The following DOCK4 variants were observed in gnomAD, a reference collection of about 807,000 sequenced individuals.
DOCK4 encodes dedicator of cytokinesis protein 4.
In DOCK4, 97 loss-of-function variants were observed where a neutral mutation model predicts 268.1. The observed-to-expected ratio is 0.36, with a 90% CI of 0.31 to 0.43. The LOEUF (loss-of-function observed/expected upper bound fraction) is 0.43. Among genes scored for constraint, DOCK4 ranks in the 20% least tolerant of loss-of-function variants. DOCK4 has a pLI of 1.00. For missense variants in DOCK4, 2,145 were observed against 2,455.7 expected, an observed-to-expected ratio of 0.87 and a Z score of 2.67; for synonymous variants, 954 against 887.2, an observed-to-expected ratio of 1.08 and a Z score of -1.34.
At chr7:112,123,595 C>A (rs1029587095) in intron 1 of DOCK4, among the ~76,000 whole-genome samples, 4 of 152,122 alleles carry the variant, frequency 2.6e-5, no homozygotes, top group African/African-American at 7.2e-5. Flanking sequence ...AACCTCTTAG[C>A]CCCTGCATAA....
At chr7:111,908,931 T>C (rs1319837562) in intron 13 of DOCK4, among the ~76,000 whole-genome samples, 3 of 152,226 alleles carry the variant, frequency 2.0e-5, no homozygotes, top group East Asian at 3.9e-4. Context: ...CAATCTATCA[T>C]TGATGGGCAT....
intron 1 of DOCK4, among the ~76,000 whole-genome samples, chr7:112,059,139 T>C (rs1806133524): frequency 7.2e-6 from 1 of 138,422 alleles, no homozygotes; most frequent in Non-Finnish European, 1.5e-5. Context: ...ATTTCCTTTT[T>C]TTTTTTTTTT....
intron 1 of DOCK4, among the ~76,000 whole-genome samples, chr7:112,007,446 G>A (rs542734234): frequency 6.6e-6 from 1 of 152,094 alleles, no homozygotes; most frequent in Non-Finnish European, 1.5e-5. Context: ...TTTAAACTGC[G>A]GATCATATTG....
chr7:111,854,541 T>C (rs1164023679), intron 23 of DOCK4, among the ~76,000 whole-genome samples: 6 of 152,212 alleles, frequency 3.9e-5, no homozygotes, highest in African/African-American at 1.4e-4. Context: ...GAGTTCTGTC[T>C]GTGGCTCATC....
intron 6 of DOCK4, among the ~76,000 whole-genome samples, chr7:111,987,895 G>C (rs766247614): frequency 3.1e-4 from 47 of 152,192 alleles, no homozygotes; most frequent in Non-Finnish European, 5.7e-4. Flanking sequence ...TCTGTAAAAA[G>C]ATGAATGGCA....
At chr7:111,978,300 C>CA (rs1798361692) in intron 7 of DOCK4, among the ~76,000 whole-genome samples, 1 of 152,192 alleles carries the variant, frequency 6.6e-6, no homozygotes, top group Non-Finnish European at 1.5e-5. Flanking sequence ...GGCACGATCT[C>CA]AGCTCACTGC....
intron 1 of DOCK4, among the ~76,000 whole-genome samples, chr7:112,084,632 TTC>T (rs1808897408): frequency 6.6e-6 from 1 of 152,108 alleles, no homozygotes; most frequent in Non-Finnish European, 1.5e-5. Context: ...AATGTTTCAG[TTC>T]CCACAAATAG....
chr7:111,727,986 T>C lies in DOCK4; in HGVS notation c.*288A>G, dbSNP rs760992740. The C allele has an allele frequency of 2.8e-5, 9 of 326,388 alleles. No homozygotes were observed. The highest frequency in any genetic ancestry group is 4.9e-5 in the Non-Finnish European group (9 of 181,972). The allele number at this position is 326,388 out of a possible 1,614,324, so 20.2% of individuals were successfully genotyped here. ...TCGTATTGGTTTTAAGATTAAACTA[T>C]ATAAAAAAAAGTGAACATAAAAAGG... is the stretch of plus-strand genomic sequence containing the variant. On this transcript the variant is annotated 3_prime_UTR_variant, in exon 53 of 53. Coordinates refer to ENST00000428084, the MANE Select transcript of DOCK4 (RefSeq NM_001363540.2).
chr7:111,749,869 G>A (rs1310523291), intron 42 of DOCK4, among the ~76,000 whole-genome samples: 3 of 152,150 alleles, frequency 2.0e-5, no homozygotes, highest in Non-Finnish European at 4.4e-5. Context: ...CCTAAGACTA[G>A]TTATCCCCTC....
chr7:111,889,532 C>T (rs1409334519), intron 16 of DOCK4, among the ~76,000 whole-genome samples: 5 of 152,020 alleles, frequency 3.3e-5, no homozygotes, highest in Admixed American at 3.3e-4. Context: ...TTGAGATAAG[C>T]AGAGAACAGT....
intron 49 of DOCK4, among the ~76,000 whole-genome samples, chr7:111,738,581 G>T (rs188640897): frequency 2.6e-3 from 399 of 152,310 alleles, no homozygotes; most frequent in Non-Finnish European, 4.0e-3. Flanking sequence ...AGATCAAGGA[G>T]GGTAAACTTC....
chr7:111,981,181 G>A (rs906540138), intron 7 of DOCK4, among the ~76,000 whole-genome samples: 1 of 152,214 alleles, frequency 6.6e-6, no homozygotes, highest in African/African-American at 2.4e-5. Context: ...TTAATCAAAT[G>A]TCCTCTGTGT....
At chr7:111,862,069 G>T (rs928773196) in intron 23 of DOCK4, among the ~76,000 whole-genome samples, 6 of 152,102 alleles carry the variant, frequency 3.9e-5, no homozygotes, top group African/African-American at 1.4e-4. Flanking sequence ...GGGAGGCCAA[G>T]GTGGACGGAT....
rs759664404 is a variant in DOCK4 at position 111,863,461 on chromosome 7, G to A, written c.2384C>T (p.Pro795Leu). The change falls in exon 23 of 53, where the codon CCG (proline) becomes CTG (leucine). Residue 795 changes from proline to leucine, a missense_variant. Around this residue, in one of 2 missense-constraint regions of DOCK4, gnomAD observed 1,598 missense variants for 1,986.7 expected, o/e 0.80. Coordinates refer to ENST00000428084, the MANE Select transcript of DOCK4 (RefSeq NM_001363540.2). ...GGAATCATCCACATGCAGGATGGTC[G>A]GCAGACTGCCCAGGGTGTCCTGGAC... ...NLVQDTLGSL[P>L]TILHVDDSLQ... is the part of the protein sequence containing the mutation. 2 of 1,613,980 alleles carry A rather than the reference G, an allele frequency of 1.2e-6. No individual in the cohort carries two copies. Among genetic ancestry groups the A allele is most frequent in the East Asian group, 2.2e-5 (1 of 44,878 alleles).
intron 40 of DOCK4, among the ~76,000 whole-genome samples, chr7:111,759,946 T>C (rs1299291378): frequency 6.6e-6 from 1 of 152,162 alleles, no homozygotes; most frequent in Non-Finnish European, 1.5e-5. Context: ...AGAGGTTTAA[T>C]TAAAAGGGAA....
At position 111,784,138 on chromosome 7, in the gene DOCK4, A is replaced by T; in HGVS notation, c.3402-15T>A. The T allele has an allele frequency of 6.4e-7, 1 of 1,570,262 alleles. No individual in the cohort carries two copies. The highest frequency in any genetic ancestry group is 8.6e-7 in the Non-Finnish European group (1 of 1,163,434). ...ATAGTGGAATTCTAATCCAGGAAGC[A>T]TTGACAAAGCAAATTGATTTTCAGA... is the stretch of plus-strand genomic sequence containing the variant. On this transcript the variant is annotated splice_polypyrimidine_tract_variant and intron_variant, in intron 32 of 52. Coordinates refer to ENST00000428084, the MANE Select transcript of DOCK4 (RefSeq NM_001363540.2).
intron 13 of DOCK4, among the ~76,000 whole-genome samples, chr7:111,905,544 C>A (rs188481317): frequency 6.6e-6 from 1 of 152,124 alleles, no homozygotes; most frequent in Non-Finnish European, 1.5e-5. Context: ...TAAGAGTTTC[C>A]GTCAGTAGTT....
chr7:111,809,292 G>T lies in DOCK4; in HGVS notation c.3107+9C>A. ...AACATTTCTCACCTGATTATACACT[G>T]ATACTTACTTTTCTAACACCTTTTT... On this transcript the variant is annotated intron_variant, in intron 29 of 52. Coordinates refer to ENST00000428084, the MANE Select transcript of DOCK4 (RefSeq NM_001363540.2). The T allele has an allele frequency of 2.6e-6, 4 of 1,542,998 alleles. No homozygotes were observed. Among genetic ancestry groups the T allele is most frequent in the South Asian group, 1.2e-5 (1 of 83,916 alleles).
At chr7:111,901,364 T>A (rs1791130955) in intron 14 of DOCK4, among the ~76,000 whole-genome samples, 2 of 149,128 alleles carry the variant, frequency 1.3e-5, no homozygotes, top group Admixed American at 1.3e-4. Flanking sequence ...AAGCTGCTTT[T>A]AAGTAATAGC....
Sources: gnomAD v4.1 joint callset for allele counts (sites outside exome capture counted in the v4.1 genomes callset) on GRCh38, gnomAD v4.1.1 for gene constraint, gnomAD v4.1.1 regional missense constraint, MANE v1.5 for transcripts, NCBI Gene and HGNC (gene_info 2026-07-23, HGNC 2026-07-21) for gene names.